KCNIP1: variants seen among roughly 807,000 people sequenced by gnomAD.
KCNIP1 encodes the protein potassium voltage-gated channel interacting protein 1.
A neutral mutation model predicts 33.0 loss-of-function variants in KCNIP1; 18 were observed. The ratio of observed to expected loss-of-function variants is 0.55; its 90% CI spans 0.38 to 0.81. KCNIP1 has a LOEUF of 0.81. KCNIP1 is among the 30% of genes least tolerant of loss of function. KCNIP1 has a pLI of 0.00. For synonymous variants in KCNIP1, 93 were observed against 98.3 expected (o/e 0.95, Z 0.32); for missense variants, 238 against 271.6 (o/e 0.88, Z 0.87).
chr5:170,531,159 A>T (rs1358597202), intron 1 of KCNIP1, among the ~76,000 whole-genome samples: 2 of 152,134 alleles, frequency 1.3e-5, no homozygotes, highest in African/African-American at 4.8e-5. Context: ...CTATAAAGAG[A>T]ATCAGTTGAG....
intron 1 of KCNIP1, among the ~76,000 whole-genome samples, chr5:170,518,509 T>C (rs1755237440): frequency 6.6e-6 from 1 of 152,204 alleles, no homozygotes; most frequent in Non-Finnish European, 1.5e-5. Context: ...AATAAATATT[T>C]GTGAAATGAA....
At chr5:170,366,503 G>A (rs1763664521) in intron 1 of KCNIP1, among the ~76,000 whole-genome samples, 1 of 152,238 alleles carries the variant, frequency 6.6e-6, no homozygotes, top group Non-Finnish European at 1.5e-5. Flanking sequence ...GAGGTAAAAA[G>A]ACATCAGGCA....
intron 1 of KCNIP1, among the ~76,000 whole-genome samples, chr5:170,454,306 T>A (rs1016888777): frequency 5.9e-5 from 9 of 152,148 alleles, no homozygotes; most frequent in African/African-American, 2.2e-4. Context: ...TCACAAAAGG[T>A]GGGAGGAAGG....
At chr5:170,685,088 C>T (rs901317706) in intron 1 of KCNIP1, among the ~76,000 whole-genome samples, 1 of 152,138 alleles carries the variant, frequency 6.6e-6, no homozygotes, top group Non-Finnish European at 1.5e-5. Context: ...CCTTTGGCCT[C>T]TCCTTGCCCA....
At chr5:170,713,430 A>G (rs1447753054) in intron 1 of KCNIP1, among the ~76,000 whole-genome samples, 3 of 152,200 alleles carry the variant, frequency 2.0e-5, no homozygotes, top group African/African-American at 7.2e-5. Context: ...CAGGGCAAGC[A>G]GCATAAATGA....
chr5:170,712,541 C>T (rs560569401), intron 1 of KCNIP1, among the ~76,000 whole-genome samples: 5 of 152,356 alleles, frequency 3.3e-5, no homozygotes, highest in African/African-American at 1.2e-4. Flanking sequence ...TTTCCAAGGA[C>T]CCATCCAACA....
chr5:170,630,512 A>G (rs752623307), intron 1 of KCNIP1, among the ~76,000 whole-genome samples: 7 of 152,222 alleles, frequency 4.6e-5, no homozygotes, highest in Non-Finnish European at 7.3e-5. Context: ...GCTGGAGCCC[A>G]GAGGCGTCCA....
At chr5:170,583,843 T>G (rs1757887621) in intron 1 of KCNIP1, among the ~76,000 whole-genome samples, 1 of 152,190 alleles carries the variant, frequency 6.6e-6, no homozygotes, top group African/African-American at 2.4e-5. Flanking sequence ...AGTTTTTAAT[T>G]TTTTATGTTA....
Position 170,531,966 on chromosome 5 carries a change from C to T in KCNIP1, c.61+27333C>T, listed in dbSNP as rs2113348029. Among the ~76,000 whole-genome samples, 3 of 152,332 alleles carry T rather than the reference C, an allele frequency of 2.0e-5. No individual in the cohort carries two copies. The South Asian group carries it at 6.2e-4, about 32-fold the overall frequency. ...ATAGTGACCTGGCCTCAGCCTCTTT[C>T]AACTTCTTCTCTCACTGCCACACCT... On this transcript the variant is annotated intron_variant, in intron 1 of 7. Transcript: ENST00000328939.
intron 5 of KCNIP1, among the ~76,000 whole-genome samples, chr5:170,723,504 G>A (rs1271889975): frequency 6.6e-6 from 1 of 152,140 alleles, no homozygotes; most frequent in African/African-American, 2.4e-5. Flanking sequence ...GCTCCTGTGT[G>A]CCAGGCACGG....
At chr5:170,458,258 G>C (rs1756432151) in intron 1 of KCNIP1, among the ~76,000 whole-genome samples, 1 of 152,160 alleles carries the variant, frequency 6.6e-6, no homozygotes, top group Non-Finnish European at 1.5e-5. Context: ...AAATCTAAAA[G>C]TTTGGAAAAC....
intron 1 of KCNIP1, among the ~76,000 whole-genome samples, chr5:170,633,200 A>G (rs1371668627): frequency 6.6e-6 from 1 of 152,110 alleles, no homozygotes; most frequent in Non-Finnish European, 1.5e-5. Context: ...CCTGGCGTCC[A>G]GAAGAGGTAA....
At chr5:170,399,448 C>T (rs1279165459) in intron 1 of KCNIP1, among the ~76,000 whole-genome samples, 1 of 152,128 alleles carries the variant, frequency 6.6e-6, no homozygotes, top group African/African-American at 2.4e-5. Flanking sequence ...GCCTACATGA[C>T]CACTTTGTCC....
At chr5:170,732,977 A>G (rs962686974) in intron 6 of KCNIP1, 73 bp downstream of exon 6, 8 of 887,254 alleles carry the variant, frequency 9.0e-6, no homozygotes, top group Non-Finnish European at 1.5e-5. Context: ...ATCTGAGCAA[A>G]TGATTTGTGT....
Position 170,704,423 on chromosome 5 carries a change from G to A in KCNIP1, c.62-14335G>A, listed in dbSNP as rs998174399. Among the ~76,000 whole-genome samples, 17 of 110,046 alleles carry A rather than the reference G, an allele frequency of 1.5e-4. 1 individual carries two copies. The highest frequency in any genetic ancestry group is 1.2e-3 in the Admixed American group (15 of 12,352). 72.2% of individuals were successfully genotyped at this position (110,046 alleles called of 152,430 possible). A position where few individuals can be genotyped will look rare whatever the true frequency, so the allele number is the denominator to read the frequency against. On this transcript the variant is annotated intron_variant, in intron 1 of 7. Coordinates refer to ENST00000328939, the MANE Select transcript of KCNIP1 (RefSeq NM_014592.4). ...TTCTCTGAGCCTCCGTCTTCTCTTC[G>A]GTAAAATGAGAATAATATTATGCAT...
chr5:170,373,372 G>T (rs1763898188), intron 1 of KCNIP1, among the ~76,000 whole-genome samples: 1 of 152,186 alleles, frequency 6.6e-6, no homozygotes, highest in Admixed American at 6.5e-5. Flanking sequence ...TGGAGGCCTT[G>T]TCTCTGGATG....
At chr5:170,620,168 C>T (rs968791081) in intron 1 of KCNIP1, among the ~76,000 whole-genome samples, 1 of 152,206 alleles carries the variant, frequency 6.6e-6, no homozygotes, top group Non-Finnish European at 1.5e-5. Context: ...AGTTCCACTT[C>T]CCTTGTCCCT....
intron 1 of KCNIP1, chr5:170,383,891 C>T: frequency 1.2e-6 from 2 of 1,600,376 alleles, no homozygotes; most frequent in Non-Finnish European, 1.7e-6. Context: ...CATCTCAGAA[C>T]TGGGTGACAC....
At chr5:170,497,357 G>C (rs1004425971) in intron 1 of KCNIP1, among the ~76,000 whole-genome samples, 1 of 152,138 alleles carries the variant, frequency 6.6e-6, no homozygotes, top group Non-Finnish European at 1.5e-5. Context: ...TATAGATGTT[G>C]AAACTGAGGA....
Sources: gnomAD v4.1 joint callset for allele counts (sites outside exome capture counted in the v4.1 genomes callset) on GRCh38, gnomAD v4.1.1 for gene constraint, MANE v1.5 for transcripts, NCBI Gene and HGNC (gene_info 2026-07-23, HGNC 2026-07-21) for gene names.